Variants in NUP155 observed in about 807,000 individuals in gnomAD.
The protein encoded by NUP155 is nuclear pore complex protein Nup155.
A neutral mutation model predicts 180.4 loss-of-function variants in NUP155; 71 were observed. That is an observed-to-expected ratio of 0.39 (90% CI 0.33 to 0.48). The LOEUF is 0.48. Among genes scored for constraint, NUP155 ranks in the 20% least tolerant of loss-of-function variants. The pLI is 0.91. For synonymous variants in NUP155, 582 were observed against 559.5 expected, an observed-to-expected ratio of 1.04 and a Z score of -0.57; for missense variants, 1,553 against 1,648.9, an observed-to-expected ratio of 0.94 and a Z score of 1.01.
Position 37,330,029 on chromosome 5 carries a change from T to C in NUP155, c.1724+9A>G, listed in dbSNP as rs777880172. On this transcript the variant is annotated intron_variant, in intron 15 of 34. Transcript: ENST00000231498. ...AACAAATAAATAAACAAGAAAAACT[T>C]TCACATACCTAAAGAAAGCCCGAGT... 11 of 1,597,582 alleles carry C rather than the reference T, an allele frequency of 6.9e-6. No individual in the cohort carries two copies. Among genetic ancestry groups the C allele is most frequent in the Non-Finnish European group, 8.6e-6 (10 of 1,165,808 alleles).
At chr5:37,364,526 T>C in intron 1 of NUP155, 142 bp from the exon 2 acceptor site, 1 of 736,202 alleles carries the variant, frequency 1.4e-6, no homozygotes, top group Non-Finnish European at 2.4e-6. Flanking sequence ...CAACACAAAG[T>C]AGTCCTGAAA....
chr5:37,303,207 T>A (rs1742960757), intron 28 of NUP155, 53 bp downstream of exon 28: 1 of 1,583,844 alleles, frequency 6.3e-7, no homozygotes, highest in Admixed American at 1.7e-5. Context: ...TGAATGTAAG[T>A]ACATATAGCT....
In NUP155 at chr5:37,307,812, C is replaced by G. The variant is rs190547854; in HGVS notation, c.2768-380G>C. On this transcript the variant is annotated intron_variant, in intron 24 of 34. Transcript: ENST00000231498. ...TGGCATGCGCCTGTAATCCCAGCTA[C>G]TCAAAAGGCTGAGGCAGGAGAATCA... Among the ~76,000 whole-genome samples the G allele has an allele frequency of 8.9e-3, 1,353 of 151,760 alleles. 74 individuals are homozygous for G. The highest frequency in any genetic ancestry group is 0.083 in the Admixed American group (1,258 of 15,204).
intron 30 of NUP155, among the ~76,000 whole-genome samples, chr5:37,299,823 G>A (rs1246938873): frequency 3.3e-5 from 5 of 151,646 alleles, no homozygotes; most frequent in African/African-American, 1.2e-4. Context: ...TCACGAGATC[G>A]GGAGATGGAG....
At chr5:37,310,115 G>T (rs978314330) in intron 23 of NUP155, among the ~76,000 whole-genome samples, 3 of 152,038 alleles carry the variant, frequency 2.0e-5, no homozygotes, top group Non-Finnish European at 4.4e-5. Context: ...GAGGCAGGAG[G>T]ATCACTTGAA....
At chr5:37,316,203 G>A (rs934462962) in intron 21 of NUP155, among the ~76,000 whole-genome samples, 60 of 152,302 alleles carry the variant, frequency 3.9e-4, no homozygotes, top group African/African-American at 1.1e-3. Flanking sequence ...TGTGGTATAT[G>A]TGCACATATG....
intron 9 of NUP155, among the ~76,000 whole-genome samples, chr5:37,347,238 A>G (rs1490937103): frequency 6.6e-6 from 1 of 152,064 alleles, no homozygotes; most frequent in Non-Finnish European, 1.5e-5. Flanking sequence ...AAAAAGAAGC[A>G]AACAAAAAAC....
Position 37,303,406 on chromosome 5 carries a change from A to T in NUP155, c.3171T>A (p.Ser1057=). 2 of 1,613,966 alleles carry T rather than the reference A, an allele frequency of 1.2e-6. No homozygotes were observed. The highest frequency in any genetic ancestry group is 1.7e-6 in the Non-Finnish European group (2 of 1,179,856). Residue 1057 remains serine (S), a synonymous_variant, in exon 28 of 35, where the codon TCT becomes TCA. Coordinates refer to ENST00000231498, the MANE Select transcript of NUP155 (RefSeq NM_153485.3). ...GGACTAGATGTGGCTCCAGAAATGG[A>T]GAAGCAACCTAGAAATTATATAGTT... ...DLADKLLQVA[S]PFLEPHLVRM...
At chr5:37,292,364 C>T (rs952313275) in intron 34 of NUP155, among the ~76,000 whole-genome samples, 12 of 151,878 alleles carry the variant, frequency 7.9e-5, no homozygotes, top group African/African-American at 1.2e-4. Context: ...TACAGGTGCC[C>T]GCCACCACGC....
At chr5:37,305,272 G>A in intron 25 of NUP155, 62 bp from the exon 26 acceptor site, 3 of 1,462,258 alleles carry the variant, frequency 2.1e-6, no homozygotes, top group Non-Finnish European at 2.9e-6. Context: ...GATGGTAAGT[G>A]TGGTGACTCA....
At chr5:37,296,820 G>A (rs1742606868) in intron 32 of NUP155, among the ~76,000 whole-genome samples, 2 of 152,112 alleles carry the variant, frequency 1.3e-5, no homozygotes, top group African/African-American at 4.8e-5. Context: ...TTATTTGACA[G>A]TTCTAACTGT....
chr5:37,320,917 G>A (rs945875340), intron 20 of NUP155, among the ~76,000 whole-genome samples: 6 of 152,112 alleles, frequency 3.9e-5, no homozygotes, highest in Admixed American at 1.3e-4. Context: ...GACTAACAGA[G>A]GAAGAAAAAT....
intron 17 of NUP155, 83 bp downstream of exon 17, chr5:37,328,275 T>A: frequency 9.5e-7 from 1 of 1,053,516 alleles, no homozygotes; most frequent in Non-Finnish European, 1.4e-6. Flanking sequence ...GGCAAGTTCA[T>A]CTTTTTCACA....
intron 12 of NUP155, among the ~76,000 whole-genome samples, chr5:37,334,509 T>G (rs903416024): frequency 2.0e-5 from 3 of 151,910 alleles, no homozygotes; most frequent in African/African-American, 7.3e-5. Context: ...GCCTTCCGAG[T>G]ATCTGGGATT....
At chr5:37,355,222 A>G (rs1325696723) in intron 4 of NUP155, among the ~76,000 whole-genome samples, 3 of 152,096 alleles carry the variant, frequency 2.0e-5, no homozygotes, top group African/African-American at 4.8e-5. Flanking sequence ...ATAAAAAGGT[A>G]CATTTGGCTG....
chr5:37,296,688 AAAATAAAT>A (rs59874319), intron 32 of NUP155, among the ~76,000 whole-genome samples: 9 of 150,602 alleles, frequency 6.0e-5, no homozygotes, highest in East Asian at 1.9e-4. Flanking sequence ...ATGATCAATA[AAAATAAAT>A]AAATAAATAA....
chr5:37,365,135 G>A (rs1332919382), intron 1 of NUP155, among the ~76,000 whole-genome samples: 5 of 151,530 alleles, frequency 3.3e-5, no homozygotes, highest in African/African-American at 9.7e-5. Flanking sequence ...GGTGGCGTGC[G>A]CCTATAATCC....
At chr5:37,328,051 A>G (rs1332202515) in intron 17 of NUP155, among the ~76,000 whole-genome samples, 1 of 152,206 alleles carries the variant, frequency 6.6e-6, no homozygotes, top group Non-Finnish European at 1.5e-5. Flanking sequence ...GCAGAATGAA[A>G]AGGAAACAAA....
rs767871265 is a variant in NUP155 at position 37,327,690 on chromosome 5, G to C, written c.1963C>G (p.Pro655Ala). The C allele has an allele frequency of 1.9e-6, 3 of 1,614,040 alleles. No individual in the cohort carries two copies. In the Admixed American group the frequency reaches 5.0e-5, roughly 27 times the overall value. Residue 655 changes from proline (P) to alanine (A), a missense_variant, in exon 18 of 35, where the codon CCA becomes GCA. Physicochemically the swap from Pro to Ala is conservative, Grantham distance 27. Coordinates refer to ENST00000231498, the MANE Select transcript of NUP155 (RefSeq NM_153485.3). Reference sequence around the variant, plus strand: ...TGTTTTCCAGAGTACACAATCTCTGGTCCAGTCACACAACTCATATTTGTG... The same window carrying C: ...TGTTTTCCAGAGTACACAATCTCTGCTCCAGTCACACAACTCATATTTGTG... ...QATNMSCVTG[P>A]EIVYSGKHNG...
Sources: gnomAD v4.1 joint callset for allele counts (sites outside exome capture counted in the v4.1 genomes callset) on GRCh38, gnomAD v4.1.1 for gene constraint, MANE v1.5 for transcripts, NCBI Gene and HGNC (gene_info 2026-07-23, HGNC 2026-07-21) for gene names.